The following CNST variants were observed in gnomAD, a reference collection of about 807,000 sequenced individuals.
CNST encodes the protein consortin.
In CNST, 39 loss-of-function variants were observed where a neutral mutation model predicts 72.4. The ratio of observed to expected loss-of-function variants is 0.54; its 90% CI spans 0.42 to 0.70. CNST has a LOEUF of 0.70. CNST is among the 30% of genes least tolerant of loss of function. CNST has a pLI of 0.00. For missense variants in CNST, 871 were observed against 868.5 expected (o/e 1.00, Z -0.04); for synonymous variants, 332 against 320.1 (o/e 1.04, Z -0.40).
At chr1:246,598,146 T>C (rs1455455438) in intron 2 of CNST, among the ~76,000 whole-genome samples, 1 of 93,680 alleles carries the variant, frequency 1.1e-5, no homozygotes, top group African/African-American at 3.1e-5. Context: ...TGCGCTCAGC[T>C]GAATTTTTTT....
rs1169896591 is a variant in CNST at position 246,647,691 on chromosome 1, C to T, written c.1490C>T (p.Pro497Leu). The change falls in exon 9 of 11, where the codon CCA (proline) becomes CTA (leucine). Residue 497 changes from proline (P) to leucine (L), a missense_variant. Transcript: ENST00000366513. ...PDLTDSDGKS[P>L]QAQADSDGSE... ...CTTACAGACAGTGATGGAAAATCAC[C>T]ACAGGCGCAGGCTGACTCAGACGGT... The T allele has an allele frequency of 3.7e-6, 6 of 1,614,102 alleles. No homozygotes were observed. The South Asian group carries it at 4.4e-5, about 12-fold the overall frequency.
intron 3 of CNST, among the ~76,000 whole-genome samples, chr1:246,629,656 A>G (rs1664650872): frequency 6.6e-6 from 1 of 152,238 alleles, no homozygotes; most frequent in African/African-American, 2.4e-5. Flanking sequence ...ACCTGAAACT[A>G]TATCTCATAC....
chr1:246,645,841 G>A (rs886926557), intron 8 of CNST, among the ~76,000 whole-genome samples: 3 of 152,138 alleles, frequency 2.0e-5, no homozygotes, highest in African/African-American at 7.2e-5. Flanking sequence ...TTATTCACAC[G>A]GAGGTTTTTA....
In CNST at chr1:246,647,158, C is replaced by T; in HGVS notation, c.957C>T (p.Gly319=). 1.9e-6 allele frequency: 3 copies of T among 1,612,490 alleles called. No individual in the cohort carries two copies. Among genetic ancestry groups the T allele is most frequent in the Non-Finnish European group, 2.5e-6 (3 of 1,179,384 alleles). ...TKESESKTCL[G]TESSKESQHT... ...CTTTAGAGAGTAAAACTTGTCTCGG[C>T]ACAGAGTCAAGTAAAGAAAGCCAAC... Residue 319 remains glycine (G), a synonymous_variant, in exon 9 of 11, where the codon GGC becomes GGT. Coordinates refer to ENST00000366513, the MANE Select transcript of CNST (RefSeq NM_152609.3).
chr1:246,625,559 C>T (rs1664369134), intron 3 of CNST, among the ~76,000 whole-genome samples: 2 of 150,934 alleles, frequency 1.3e-5, no homozygotes, highest in African/African-American at 4.9e-5. Context: ...GTAGCTGGGA[C>T]TACAGGCCCG....
In CNST at chr1:246,571,623, T is replaced by C. The variant is rs141736297; in HGVS notation, c.-52+4960T>C. ...CTATGAAAATACTGACAAATCAAGATGATTTTTCCTTTTAGATTAAGAAAA... is the reference window on the plus strand; with the variant it reads ...CTATGAAAATACTGACAAATCAAGACGATTTTTCCTTTTAGATTAAGAAAA... On this transcript the variant is annotated intron_variant, in intron 1 of 10. Coordinates refer to ENST00000366513, the MANE Select transcript of CNST (RefSeq NM_152609.3). Among the ~76,000 whole-genome samples, 666 of 152,350 alleles carry C rather than the reference T, an allele frequency of 4.4e-3. 3 individuals carry two copies. The highest frequency in any genetic ancestry group is 0.015 in the African/African-American group (639 of 41,574).
At position 246,647,531 on chromosome 1, in the gene CNST, C is replaced by T; in HGVS notation, c.1330C>T (p.Pro444Ser). 1 of 1,614,184 alleles carries T rather than the reference C, an allele frequency of 6.2e-7. No homozygotes were observed. The highest frequency in any genetic ancestry group is 8.5e-7 in the Non-Finnish European group (1 of 1,180,036). Reference protein sequence around the residue: ...LISPGCDRIPPALISEGKYSQ... With the variant: ...LISPGCDRIPSALISEGKYSQ... ...TTCACCAGGCTGTGACCGTATACCT[C>T]CTGCATTGATTTCTGAGGGTAAATA... The change falls in exon 9 of 11, where the codon CCT becomes TCT. Residue 444 changes from proline to serine, a missense_variant. Coordinates refer to ENST00000366513, the MANE Select transcript of CNST (RefSeq NM_152609.3).
In CNST at chr1:246,652,726, C is replaced by T. The variant is rs140662092; in HGVS notation, c.1836+4689C>T. ...GTCTTTAGAAAGCTTTTAATCTGGCCGGGCACAGTGGCTCACGCCTGTAAT... is the reference window on the plus strand; with the variant it reads ...GTCTTTAGAAAGCTTTTAATCTGGCTGGGCACAGTGGCTCACGCCTGTAAT... On this transcript the variant is annotated intron_variant, in intron 9 of 10. Transcript: ENST00000366513. Among the ~76,000 whole-genome samples the T allele has an allele frequency of 3.0e-4, 45 of 152,136 alleles. No homozygotes were observed. The East Asian group carries it at 5.4e-3, about 18-fold the overall frequency.
Position 246,664,375 on chromosome 1 carries a change from G to A in CNST, c.1973-1325G>A, listed in dbSNP as rs115348053. Among the ~76,000 whole-genome samples, 792 of 152,142 alleles carry A rather than the reference G, an allele frequency of 5.2e-3. 7 individuals are homozygous for A. The highest frequency in any genetic ancestry group is 0.018 in the African/African-American group (759 of 41,510). On this transcript the variant is annotated intron_variant, in intron 10 of 10. Coordinates refer to ENST00000366513, the MANE Select transcript of CNST (RefSeq NM_152609.3). ...TATATGTCCCAGGTGGCCTGAGGCC[G>A]TCCTGGTTTACACCTGTTGTCCCGG...
intron 1 of CNST, among the ~76,000 whole-genome samples, chr1:246,570,346 G>A (rs1416671890): frequency 6.6e-6 from 1 of 152,196 alleles, no homozygotes; most frequent in African/African-American, 2.4e-5. Context: ...ACCCATCATT[G>A]TTCCTGTCTT....
intron 6 of CNST, among the ~76,000 whole-genome samples, chr1:246,639,300 AGGCTTAT>A (rs1460694901): frequency 6.6e-6 from 1 of 152,146 alleles, no homozygotes; most frequent in Non-Finnish European, 1.5e-5. Flanking sequence ...CAGGGTTTAA[AGGCTTAT>A]GGAGAGGGCC....
chr1:246,625,711 C>T (rs1028700826), intron 3 of CNST, among the ~76,000 whole-genome samples: 3 of 152,020 alleles, frequency 2.0e-5, no homozygotes, highest in Non-Finnish European at 4.4e-5. Flanking sequence ...TGAGCCACTG[C>T]GCCCGGCCTA....
At chr1:246,576,240 A>AAAC (rs1225544328) in intron 1 of CNST, among the ~76,000 whole-genome samples, 2 of 116,818 alleles carry the variant, frequency 1.7e-5, no homozygotes, top group African/African-American at 6.5e-5. Flanking sequence ...GTCTCAAAAA[A>AAAC]AAAAAAAAAA....
chr1:246,617,821 T>C (rs957880301), intron 2 of CNST, among the ~76,000 whole-genome samples: 5 of 152,238 alleles, frequency 3.3e-5, no homozygotes, highest in African/African-American at 1.2e-4. Flanking sequence ...TTTCCTATTT[T>C]ATATGTGCCT....
intron 10 of CNST, among the ~76,000 whole-genome samples, chr1:246,664,570 G>A (rs565758324): frequency 2.6e-5 from 4 of 152,196 alleles, no homozygotes; most frequent in East Asian, 3.9e-4. Flanking sequence ...GAGACTATAG[G>A]CACCTGCCAC....
intron 1 of CNST, among the ~76,000 whole-genome samples, chr1:246,574,458 C>T (rs1364168822): frequency 6.6e-6 from 1 of 152,164 alleles, no homozygotes; most frequent in East Asian, 1.9e-4. Context: ...CAGCTTGTCG[C>T]ACTATCACCC....
Position 246,647,940 on chromosome 1 carries a change from C to A in CNST, c.1739C>A (p.Ser580Tyr). 6.2e-7 allele frequency: 1 copy of A among 1,613,386 alleles called. No individual in the cohort carries two copies. The highest frequency in any genetic ancestry group is 8.5e-7 in the Non-Finnish European group (1 of 1,179,566). ...GACTCCGATCTCCTTCAAGATCTCT[C>A]TCCTGAAGAAGCATCCTATAGTCTC... ...DDDSDLLQDL[S>Y]PEEASYSLQE... The change falls in exon 9 of 11, where the codon TCT (serine) becomes TAT (tyrosine). Residue 580 changes from serine (S) to tyrosine (Y), a missense_variant. Ser to Tyr is a moderately radical substitution (Grantham distance 144). Transcript: ENST00000366513.
At chr1:246,574,635 G>T (rs1241861036) in intron 1 of CNST, among the ~76,000 whole-genome samples, 2 of 151,810 alleles carry the variant, frequency 1.3e-5, no homozygotes, top group Non-Finnish European at 2.9e-5. Context: ...TGCCCCAGCT[G>T]GTCTAGAACT....
intron 9 of CNST, among the ~76,000 whole-genome samples, chr1:246,652,967 G>T (rs753339819): frequency 2.5e-4 from 38 of 150,560 alleles, no homozygotes; most frequent in Non-Finnish European, 3.7e-4. Flanking sequence ...TTGCACCACT[G>T]CACTCCAGCC....
Sources: gnomAD v4.1 joint callset for allele counts (sites outside exome capture counted in the v4.1 genomes callset) on GRCh38, gnomAD v4.1.1 for gene constraint, MANE v1.5 for transcripts, NCBI Gene and HGNC (gene_info 2026-07-23, HGNC 2026-07-21) for gene names.